Variants in KIAA0319 observed in about 807,000 individuals in gnomAD.
The protein encoded by KIAA0319 is dyslexia-associated protein KIAA0319.
In KIAA0319, 83 loss-of-function variants were observed where a neutral mutation model predicts 108.4. The ratio of observed to expected loss-of-function variants is 0.77; its 90% CI spans 0.64 to 0.92. KIAA0319 has a LOEUF of 0.92. Among genes scored for constraint, KIAA0319 ranks in the 40% least tolerant of loss-of-function variants. The pLI is 0.00. For missense variants in KIAA0319, 1,195 were observed against 1,322.4 expected, an observed-to-expected ratio of 0.90 and a Z score of 1.49; for synonymous variants, 484 against 510.4, an observed-to-expected ratio of 0.95 and a Z score of 0.70.
chr6:24,619,234 T>A (rs373532447), intron 1 of KIAA0319, among the ~76,000 whole-genome samples: 2 of 152,028 alleles, frequency 1.3e-5, no homozygotes, highest in Non-Finnish European at 2.9e-5. Context: ...GGCTTCTGCG[T>A]TGAAAAGAGA....
chr6:24,580,629 G>A (rs1396406197), intron 7 of KIAA0319, among the ~76,000 whole-genome samples: 2 of 152,190 alleles, frequency 1.3e-5, no homozygotes, highest in Non-Finnish European at 2.9e-5. Flanking sequence ...GAATCACGGA[G>A]AGTGGAGGTA....
Position 24,559,273 on chromosome 6 carries a change from T to C in KIAA0319, c.2592-118A>G, listed in dbSNP as rs1762763832. On this transcript the variant is annotated intron_variant, in intron 16 of 20. Transcript: ENST00000378214. ...AGGTAGACGGCTACAGCTCTGTGGC[T>C]TGCCAAGGACAGGGGCGTATCTGTG... The C allele has an allele frequency of 3.5e-6, 4 of 1,149,248 alleles. No individual in the cohort carries two copies. In the South Asian group the frequency reaches 6.3e-5, roughly 18 times the overall value. The allele number at this position is 1,149,248 out of a possible 1,614,324, so 71.2% of individuals were successfully genotyped here.
chr6:24,541,183 A>G (rs73727957), downstream of KIAA0319, among the ~76,000 whole-genome samples: 167 of 152,312 alleles, frequency 1.1e-3, 1 homozygote, highest in African/African-American at 3.8e-3. Context: ...GAATCGCTCA[A>G]TGAATTCTCA....
In KIAA0319 at chr6:24,582,248, C is replaced by T; in HGVS notation, c.1191+1G>A. The T allele has an allele frequency of 6.4e-7, 1 of 1,555,346 alleles. No individual in the cohort carries two copies. Reference sequence around the variant, plus strand: ...GACACAACCAGTCTCCAGTTACTTACTTGAGAGAGGTTAAGAGTTTGCTTG... The same window carrying T: ...GACACAACCAGTCTCCAGTTACTTATTTGAGAGAGGTTAAGAGTTTGCTTG... On this transcript the variant is annotated splice_donor_variant, in intron 6 of 20. Coordinates refer to ENST00000378214, the MANE Select transcript of KIAA0319 (RefSeq NM_014809.4). LOFTEE classifies it high-confidence loss of function.
intron 10 of KIAA0319, among the ~76,000 whole-genome samples, chr6:24,573,194 C>A (rs1289743029): frequency 6.6e-6 from 1 of 152,148 alleles, no homozygotes; most frequent in African/African-American, 2.4e-5. Context: ...GTGTAAACTA[C>A]CATAGGCTTT....
At chr6:24,620,139 GA>G (rs1359044292) in intron 1 of KIAA0319, among the ~76,000 whole-genome samples, 2 of 152,114 alleles carry the variant, frequency 1.3e-5, no homozygotes, top group African/African-American at 4.8e-5. Context: ...ATTCAGACAT[GA>G]AAAAAGTATG....
chr6:24,563,295 T>A, intron 16 of KIAA0319, 64 bp downstream of exon 16: 2 of 1,523,878 alleles, frequency 1.3e-6, no homozygotes, highest in Non-Finnish European at 1.8e-6. Flanking sequence ...TCTACTGGAC[T>A]GGGATGAGGT....
intron 20 of KIAA0319, among the ~76,000 whole-genome samples, chr6:24,550,289 C>T (rs1761282314): frequency 6.6e-6 from 1 of 152,232 alleles, no homozygotes; most frequent in Non-Finnish European, 1.5e-5. Flanking sequence ...CCTCCTCTCC[C>T]AGTCTCCAGG....
chr6:24,579,996 A>G (rs1766236946), intron 7 of KIAA0319, 46 bp from the exon 8 acceptor site: 3 of 1,361,280 alleles, frequency 2.2e-6, no homozygotes, highest in Non-Finnish European at 3.1e-6. Flanking sequence ...TTGTGTAGGC[A>G]TATGTCATTA....
chr6:24,576,873 C>T (rs1045550465), intron 9 of KIAA0319, among the ~76,000 whole-genome samples: 1 of 151,394 alleles, frequency 6.6e-6, no homozygotes, highest in African/African-American at 2.4e-5. Context: ...TGCAGTGAGC[C>T]GATATTGCTC....
chr6:24,570,130 G>T, intron 11 of KIAA0319, 95 bp from the exon 12 acceptor site: 1 of 1,204,098 alleles, frequency 8.3e-7, no homozygotes, highest in South Asian at 1.4e-5. Context: ...CTCATCTTCA[G>T]ACCAGGCAGC....
chr6:24,638,481 C>T (rs1200652842), intron 1 of KIAA0319, among the ~76,000 whole-genome samples: 2 of 152,132 alleles, frequency 1.3e-5, no homozygotes, highest in Non-Finnish European at 2.9e-5. Context: ...AAAGAGGCAG[C>T]CGGGCGTGGT....
intron 1 of KIAA0319, among the ~76,000 whole-genome samples, chr6:24,617,171 T>TA (rs960743835): frequency 6.6e-6 from 1 of 151,586 alleles, no homozygotes; most frequent in African/African-American, 2.4e-5. Flanking sequence ...TCATAATAAC[T>TA]AAAAAAATAC....
At chr6:24,554,069 G>A (rs184547093) in intron 19 of KIAA0319, among the ~76,000 whole-genome samples, 5 of 152,378 alleles carry the variant, frequency 3.3e-5, no homozygotes, top group African/African-American at 1.2e-4. Flanking sequence ...GCATCTGAAT[G>A]GGGTGGGCAG....
chr6:24,630,295 G>A (rs1484777013), intron 1 of KIAA0319, among the ~76,000 whole-genome samples: 1 of 151,896 alleles, frequency 6.6e-6, no homozygotes, highest in Non-Finnish European at 1.5e-5. Flanking sequence ...GATCACTTAA[G>A]GTCAGGAGTT....
rs748564801 is a variant in KIAA0319 at position 24,559,122 on chromosome 6, C to A, written c.2625G>T (p.Pro875=). The change falls in exon 17 of 21, where the codon CCG becomes CCT. Residue 875 remains proline, a synonymous_variant. Coordinates refer to ENST00000378214, the MANE Select transcript of KIAA0319 (RefSeq NM_014809.4). The part of the protein sequence containing the change: ...TVIVFYVQSR[P]PFKVLKAAEV... Reference sequence around the variant, plus strand: ...CAGCAGCTTTGAGAACCTTGAAAGGCGGCCTGCTCTGTACATAAAACACAA... The same window carrying A: ...CAGCAGCTTTGAGAACCTTGAAAGGAGGCCTGCTCTGTACATAAAACACAA... 2 of 1,613,438 alleles carry A rather than the reference C, an allele frequency of 1.2e-6. No individual in the cohort carries two copies. Among genetic ancestry groups the A allele is most frequent in the Non-Finnish European group, 8.5e-7 (1 of 1,180,010 alleles).
intron 8 of KIAA0319, among the ~76,000 whole-genome samples, chr6:24,579,408 TAA>T (rs1491353018): frequency 4.5e-5 from 5 of 111,744 alleles, no homozygotes; most frequent in African/African-American, 2.0e-4. Context: ...CTCCTCTATA[TAA>T]AGATATATAT....
At chr6:24,642,068 A>AGGGGG (rs1407749902) in intron 1 of KIAA0319, among the ~76,000 whole-genome samples, 3 of 97,902 alleles carry the variant, frequency 3.1e-5, no homozygotes, top group Non-Finnish European at 6.2e-5. Flanking sequence ...AGGGGAGGGG[A>AGGGGG]GGAAGGAGAG....
rs572971953 is a variant in KIAA0319 at position 24,623,870 on chromosome 6, T to C, written c.-106+21866A>G. The stretch of plus-strand genomic sequence containing the variant: ...TCCAAATTGATCATTATACATTGTA[T>C]GCTTGTGTCAAAACATCACATGTAC... On this transcript the variant is annotated intron_variant, in intron 1 of 20. Transcript: ENST00000378214. Among the ~76,000 whole-genome samples the C allele has an allele frequency of 3.3e-5, 5 of 152,282 alleles. No homozygotes were observed. In the South Asian group the frequency reaches 1.0e-3, roughly 32 times the overall value.
Sources: allele counts gnomAD v4.1 joint callset (sites outside exome capture counted in the v4.1 genomes callset), GRCh38; gene constraint gnomAD v4.1.1; transcripts MANE v1.5; gene names NCBI Gene and HGNC (gene_info 2026-07-23, HGNC 2026-07-21).